CLNK: variants seen among roughly 807,000 people sequenced by gnomAD.
The protein encoded by CLNK is cytokine dependent hematopoietic cell linker.
In CLNK, 74 loss-of-function variants were observed where a neutral mutation model predicts 68.6. That is an observed-to-expected ratio of 1.08 (90% confidence interval 0.89 to 1.31). CLNK has a LOEUF of 1.31. Among genes scored for constraint, CLNK ranks in the 50% most tolerant of loss-of-function variants. The pLI, the probability that CLNK is intolerant of heterozygous loss-of-function variation, is 0.00. For missense variants in CLNK, 553 were observed against 515.3 expected (o/e 1.07, Z -0.71); for synonymous variants, 198 against 172.2 (o/e 1.15, Z -1.17).
the CLNK span, among the ~76,000 whole-genome samples, chr4:10,721,230 A>G: frequency 6.6e-6 from 1 of 152,132 alleles, no homozygotes; most frequent in South Asian, 2.1e-4. Flanking sequence ...GAAGGGCTGC[A>G]TCCTGGTGAT....
chr4:10,562,695 C>A (rs771918162), intron 7 of CLNK, among the ~76,000 whole-genome samples: 4 of 152,184 alleles, frequency 2.6e-5, no homozygotes, highest in African/African-American at 9.6e-5. Context: ...TGAGCCCCCA[C>A]GTCCGGTCAC....
rs1364172738 is a variant in CLNK, at chr4:10,488,693, T to C, written c.*1774A>G. Reference sequence around the variant, plus strand: ...TCCTGATGTAACTTATAGGCATCACTTCACATTGACCTTGTGAAAGGAGAA... The same window carrying C: ...TCCTGATGTAACTTATAGGCATCACCTCACATTGACCTTGTGAAAGGAGAA... On this transcript the variant is annotated 3_prime_UTR_variant, in exon 19 of 19. Transcript: ENST00000226951. 1 of 152,226 alleles carries C rather than the reference T, an allele frequency of 6.6e-6. No homozygotes were observed. The highest frequency in any genetic ancestry group is 1.5e-5 in the Non-Finnish European group (1 of 68,038). 9.4% of individuals were successfully genotyped at this position (152,226 alleles called of 1,614,324 possible).
intron 18 of CLNK, among the ~76,000 whole-genome samples, chr4:10,499,739 C>T (rs767381139): frequency 1.1e-4 from 17 of 152,128 alleles, no homozygotes; most frequent in African/African-American, 1.7e-4. Context: ...GCTGAAGTCC[C>T]AAGGTCAAGG....
At chr4:10,677,511 C>T (rs2108900747) in intron 1 of CLNK, among the ~76,000 whole-genome samples, 1 of 152,194 alleles carries the variant, frequency 6.6e-6, no homozygotes, top group Admixed American at 6.5e-5. Context: ...TAAATCTCAT[C>T]TCGATTTGTA....
At chr4:10,616,125 C>T (rs986956954) in intron 2 of CLNK, among the ~76,000 whole-genome samples, 2 of 152,170 alleles carry the variant, frequency 1.3e-5, no homozygotes, top group Non-Finnish European at 2.9e-5. Flanking sequence ...TACTACATTT[C>T]GCGATTACCT....
the CLNK span, among the ~76,000 whole-genome samples, chr4:10,696,667 C>T: frequency 6.6e-6 from 1 of 152,178 alleles, no homozygotes; most frequent in Non-Finnish European, 1.5e-5. Context: ...ATACAAAGCA[C>T]TCAATAGCCG....
intron 7 of CLNK, among the ~76,000 whole-genome samples, chr4:10,560,166 G>A (rs1189879577): frequency 2.0e-5 from 3 of 152,216 alleles, no homozygotes; most frequent in African/African-American, 4.8e-5. Flanking sequence ...TTTGCACACT[G>A]TGTTTACCTC....
chr4:10,700,775 T>A, the CLNK span, among the ~76,000 whole-genome samples: 3 of 152,132 alleles, frequency 2.0e-5, no homozygotes, highest in East Asian at 5.8e-4. Flanking sequence ...ATGTCTTTCA[T>A]ACAATGAAAG....
intron 2 of CLNK, among the ~76,000 whole-genome samples, chr4:10,620,976 G>T (rs541387570): frequency 7.9e-5 from 12 of 152,054 alleles, no homozygotes; most frequent in African/African-American, 2.9e-4. Context: ...CCGGCGTAGT[G>T]GTGGGCACCT....
intron 2 of CLNK, among the ~76,000 whole-genome samples, chr4:10,616,817 TATATATAC>T (rs753511478): frequency 0.27 from 32,946 of 120,358 alleles, 4,397 homozygotes; most frequent in Non-Finnish European, 0.33. Context: ...TATATATATA[TATATATAC>T]ACGCATTTTT....
chr4:10,733,486 T>C, the CLNK span, among the ~76,000 whole-genome samples: 7 of 152,262 alleles, frequency 4.6e-5, no homozygotes, highest in Non-Finnish European at 8.8e-5. Flanking sequence ...CTTAGTTTTC[T>C]GATGTATAAA....
chr4:10,536,176 C>T (rs969706023), intron 11 of CLNK, among the ~76,000 whole-genome samples: 4 of 152,194 alleles, frequency 2.6e-5, no homozygotes, highest in African/African-American at 9.7e-5. Context: ...AACTGCCTAC[C>T]ATTGATACAG....
the CLNK span, among the ~76,000 whole-genome samples, chr4:10,729,368 C>A: frequency 6.6e-6 from 1 of 152,104 alleles, no homozygotes; most frequent in African/African-American, 2.4e-5. Context: ...ATTTCTCAAA[C>A]AACTGAAACA....
At chr4:10,711,450 A>G in the CLNK span, among the ~76,000 whole-genome samples, 1 of 152,350 alleles carries the variant, frequency 6.6e-6, no homozygotes, top group South Asian at 2.1e-4. Context: ...TATAAAAAGT[A>G]TATATTAATC....
In CLNK at chr4:10,667,909, A is replaced by G. The variant is rs937380312; in HGVS notation, c.-40T>C. On this transcript the variant is annotated splice_region_variant and 5_prime_UTR_variant, in exon 2 of 19. Transcript: ENST00000226951. ...GGCGGGTAAGAGGGATCTTCAATTC[A>G]GCCTGTGGAAACAAAAGCAAACGCG... is the stretch of plus-strand genomic sequence containing the variant. 5 of 1,369,020 alleles carry G rather than the reference A, an allele frequency of 3.7e-6. No individual in the cohort carries two copies. The Admixed American group carries it at 9.5e-5, about 26-fold the overall frequency. The allele number at this position is 1,369,020 out of a possible 1,614,324, so 84.8% of individuals were successfully genotyped here. A position where few individuals can be genotyped will look rare whatever the true frequency, so the allele number is the denominator to read the frequency against.
At chr4:10,499,031 A>G (rs1237173346) in intron 18 of CLNK, among the ~76,000 whole-genome samples, 2 of 117,340 alleles carry the variant, frequency 1.7e-5, no homozygotes, top group African/African-American at 6.6e-5. Context: ...TTAGATGCCC[A>G]GGCACGCCAC....
chr4:10,681,722 G>A (rs1725096439), intron 1 of CLNK, among the ~76,000 whole-genome samples: 1 of 152,160 alleles, frequency 6.6e-6, no homozygotes, highest in African/African-American at 2.4e-5. Flanking sequence ...AGTGATTGAT[G>A]CCCTGATCAT....
At chr4:10,585,032 G>T in intron 3 of CLNK, 77 bp from the exon 4 acceptor site, 1 of 1,450,924 alleles carries the variant, frequency 6.9e-7, no homozygotes, top group Non-Finnish European at 9.6e-7. Flanking sequence ...GGAACAGGCA[G>T]TCATCAAACG....
At chr4:10,731,796 A>G in the CLNK span, among the ~76,000 whole-genome samples, 1 of 152,218 alleles carries the variant, frequency 6.6e-6, no homozygotes, top group Non-Finnish European at 1.5e-5. Context: ...GTGTAACTAC[A>G]AAAAGAGAAG....
Sources: allele counts gnomAD v4.1 joint callset (sites outside exome capture counted in the v4.1 genomes callset), GRCh38; gene constraint gnomAD v4.1.1; transcripts MANE v1.5; gene names NCBI Gene and HGNC (gene_info 2026-07-23, HGNC 2026-07-21).